The following MACROD2 variants were observed in gnomAD, a reference collection of about 807,000 sequenced individuals.
MACROD2 encodes the protein ADP-ribose glycohydrolase MACROD2.
MACROD2 carries 36 observed loss-of-function variants against 70.4 expected under a neutral mutation model. The observed-to-expected ratio is 0.51, with a 90% CI of 0.39 to 0.68. MACROD2 has a LOEUF of 0.68. Ranked by LOEUF, MACROD2 falls within the 30% of genes least tolerant of loss-of-function variation. The pLI, the probability that MACROD2 is intolerant of heterozygous loss-of-function variation, is 0.00. For synonymous variants in MACROD2, 172 were observed against 178.8 expected, an observed-to-expected ratio of 0.96 and a Z score of 0.30; for missense variants, 496 against 538.4, an observed-to-expected ratio of 0.92 and a Z score of 0.78.
chr20:15,550,990 A>G (rs1191698631), intron 8 of MACROD2, among the ~76,000 whole-genome samples: 1 of 152,230 alleles, frequency 6.6e-6, no homozygotes, highest in Non-Finnish European at 1.5e-5. Flanking sequence ...GCGTGCCTGC[A>G]GAAAACCTCT....
At chr20:15,913,882 T>A (rs2065272184) in intron 10 of MACROD2, among the ~76,000 whole-genome samples, 1 of 152,336 alleles carries the variant, frequency 6.6e-6, no homozygotes, top group East Asian at 1.9e-4. Flanking sequence ...TCAGTAAATA[T>A]TTGTGGGTGG....
At chr20:16,036,590 G>T (rs556541696) in intron 15 of MACROD2, among the ~76,000 whole-genome samples, 10 of 152,054 alleles carry the variant, frequency 6.6e-5, no homozygotes, top group Admixed American at 2.6e-4. Context: ...AATGGAAGGA[G>T]GGACAGGCAA....
intron 6 of MACROD2, among the ~76,000 whole-genome samples, chr20:15,280,421 T>C (rs994128885): frequency 4.1e-4 from 62 of 152,330 alleles, no homozygotes; most frequent in African/African-American, 1.4e-3. Context: ...TTTGGAATTA[T>C]GCATGATTTT....
chr20:14,993,978 A>G (rs1484780243), intron 5 of MACROD2, among the ~76,000 whole-genome samples: 1 of 152,220 alleles, frequency 6.6e-6, no homozygotes, highest in Non-Finnish European at 1.5e-5. Flanking sequence ...ACAAACTTTT[A>G]GAAAAATGAA....
chr20:15,009,008 A>T (rs2075061636), intron 5 of MACROD2, among the ~76,000 whole-genome samples: 1 of 152,108 alleles, frequency 6.6e-6, no homozygotes, highest in African/African-American at 2.4e-5. Flanking sequence ...TTACTCAGAG[A>T]AACAGGAGAA....
chr20:14,373,156 G>A (rs1483378297), intron 3 of MACROD2, among the ~76,000 whole-genome samples: 1 of 152,066 alleles, frequency 6.6e-6, no homozygotes, highest in Non-Finnish European at 1.5e-5. Context: ...GCAAGTGGCG[G>A]TTGCTCTTTC....
At chr20:14,715,552 T>C (rs1286708001) in intron 5 of MACROD2, among the ~76,000 whole-genome samples, 1 of 152,144 alleles carries the variant, frequency 6.6e-6, no homozygotes, top group Non-Finnish European at 1.5e-5. Flanking sequence ...CTCTTGTGCT[T>C]CCAACCTAAA....
chr20:15,767,420 A>G (rs2051546640), intron 8 of MACROD2, among the ~76,000 whole-genome samples: 1 of 152,198 alleles, frequency 6.6e-6, no homozygotes, highest in Non-Finnish European at 1.5e-5. Flanking sequence ...CTGGCAAACA[A>G]TAGTTACATT....
intron 8 of MACROD2, among the ~76,000 whole-genome samples, chr20:15,819,780 T>A (rs1417880159): frequency 6.6e-6 from 1 of 151,532 alleles, no homozygotes; most frequent in African/African-American, 2.4e-5. Context: ...GGGGAGGAAA[T>A]GGAGAGATAT....
At chr20:14,104,381 CA>C (rs1444616408) in intron 3 of MACROD2, among the ~76,000 whole-genome samples, 4 of 152,196 alleles carry the variant, frequency 2.6e-5, no homozygotes, top group Non-Finnish European at 2.9e-5. Context: ...GAATGTTTTT[CA>C]GCTAAGAAAC....
At chr20:13,997,666 A>G (rs997260927) in intron 1 of MACROD2, among the ~76,000 whole-genome samples, 3 of 152,152 alleles carry the variant, frequency 2.0e-5, no homozygotes, top group African/African-American at 7.2e-5. Flanking sequence ...ATATATAACC[A>G]ATTTTTTTTC....
intron 8 of MACROD2, among the ~76,000 whole-genome samples, chr20:15,586,789 T>A (rs1234169143): frequency 6.6e-6 from 1 of 152,180 alleles, no homozygotes; most frequent in Non-Finnish European, 1.5e-5. Context: ...AAATTTTCTG[T>A]ACAAGCAATA....
chr20:14,545,016 G>A (rs1029368025), intron 4 of MACROD2, among the ~76,000 whole-genome samples: 1 of 152,164 alleles, frequency 6.6e-6, no homozygotes, highest in Non-Finnish European at 1.5e-5. Context: ...TATGGGTGGA[G>A]CACTAATAGT....
Position 14,951,935 on chromosome 20 carries a change from G to T in MACROD2, c.418+266976G>T, listed in dbSNP as rs1570671. ...TCTCCATTTTTTTTTTTTTTTTCCA[G>T]AGCTTATTACTCATCACTTAAAATA... On this transcript the variant is annotated intron_variant, in intron 5 of 17. Coordinates refer to ENST00000684519, the MANE Select transcript of MACROD2 (RefSeq NM_001351661.2). 8.0e-3 allele frequency among the ~76,000 whole-genome samples: 1,166 copies of T among 145,780 alleles called. 16 individuals carry two copies. The highest frequency in any genetic ancestry group is 0.028 in the African/African-American group (1,119 of 39,590).
At chr20:14,003,754 C>T (rs952396790) in intron 2 of MACROD2, 22 of 426,614 alleles carry the variant, frequency 5.2e-5, no homozygotes, top group African/African-American at 8.7e-5. Context: ...TCTGTAAAGA[C>T]CTTTAATAAA....
chr20:14,093,325 G>A (rs148992142), intron 3 of MACROD2, among the ~76,000 whole-genome samples: 2,314 of 151,866 alleles, frequency 0.015, 30 homozygotes, highest in South Asian at 0.038. Flanking sequence ...AGCTTCAAGC[G>A]ATCCTACTAC....
chr20:15,491,379 C>T (rs1260550583), intron 7 of MACROD2, among the ~76,000 whole-genome samples: 1 of 152,204 alleles, frequency 6.6e-6, no homozygotes, highest in Non-Finnish European at 1.5e-5. Context: ...CATGACACCT[C>T]ATTGTCTCAG....
At chr20:14,932,296 A>T (rs1013964975) in intron 5 of MACROD2, among the ~76,000 whole-genome samples, 20 of 152,174 alleles carry the variant, frequency 1.3e-4, no homozygotes, top group Non-Finnish European at 2.9e-4. Context: ...CTGAAGGAAC[A>T]GCCGTGACAC....
chr20:15,950,120 A>G (rs2065884147), intron 12 of MACROD2, among the ~76,000 whole-genome samples: 1 of 152,200 alleles, frequency 6.6e-6, no homozygotes, highest in Non-Finnish European at 1.5e-5. Flanking sequence ...AGTAAACACA[A>G]AACATTTACT....
Sources: allele counts gnomAD v4.1 joint callset (sites outside exome capture counted in the v4.1 genomes callset), GRCh38; gene constraint gnomAD v4.1.1; transcripts MANE v1.5; gene names NCBI Gene and HGNC (gene_info 2026-07-23, HGNC 2026-07-21).